NCAM2: variants seen among roughly 807,000 people sequenced by gnomAD.
The protein encoded by NCAM2 is N-CAM-2.
A neutral mutation model predicts 98.1 loss-of-function variants in NCAM2; 30 were observed. The observed-to-expected ratio is 0.31, with a 90% confidence interval of 0.23 to 0.41. NCAM2 has a LOEUF of 0.41. NCAM2 is among the 10% of genes least tolerant of loss of function. NCAM2 has a pLI of 1.00. For synonymous variants in NCAM2, 368 were observed against 342.4 expected (o/e 1.07, Z -0.83); for missense variants, 867 against 1,005.8 (o/e 0.86, Z 1.87).
intron 8 of NCAM2, among the ~76,000 whole-genome samples, chr21:21,349,819 T>C (rs1361954386): frequency 2.0e-5 from 3 of 152,114 alleles, no homozygotes; most frequent in Non-Finnish European, 2.9e-5. Context: ...TAAGCCAGCA[T>C]AGAAAGATAA....
intron 1 of NCAM2, among the ~76,000 whole-genome samples, chr21:21,172,132 A>G (rs916163885): frequency 2.6e-5 from 4 of 151,026 alleles, no homozygotes; most frequent in African/African-American, 9.8e-5. Context: ...GTAGTCCCCT[A>G]TTTAATGGGC....
At chr21:21,493,919 C>T (rs1987026172) in intron 15 of NCAM2, among the ~76,000 whole-genome samples, 1 of 151,858 alleles carries the variant, frequency 6.6e-6, no homozygotes, top group Admixed American at 6.6e-5. Flanking sequence ...CAGTCAGATG[C>T]ATTATATAAT....
At chr21:21,053,426 G>A (rs984009800) in intron 1 of NCAM2, among the ~76,000 whole-genome samples, 17 of 151,768 alleles carry the variant, frequency 1.1e-4, no homozygotes, top group African/African-American at 3.9e-4. Flanking sequence ...TGAAGCATGT[G>A]GACCAGTTAC....
At chr21:21,327,902 T>G (rs2074562165) in intron 6 of NCAM2, among the ~76,000 whole-genome samples, 1 of 152,204 alleles carries the variant, frequency 6.6e-6, no homozygotes. Flanking sequence ...CTTAGTGACA[T>G]GTAAATCCAA....
At chr21:21,461,552 A>T (rs896053975) in intron 12 of NCAM2, among the ~76,000 whole-genome samples, 1 of 151,958 alleles carries the variant, frequency 6.6e-6, no homozygotes, top group Non-Finnish European at 1.5e-5. Flanking sequence ...CAAATGACAC[A>T]TCATTATTAG....
chr21:21,500,847 A>G (rs1485930980), intron 15 of NCAM2, among the ~76,000 whole-genome samples: 2 of 152,028 alleles, frequency 1.3e-5, no homozygotes, highest in Admixed American at 6.6e-5. Context: ...CAACTCCATA[A>G]TGTTGAAGAG....
intron 16 of NCAM2, among the ~76,000 whole-genome samples, chr21:21,529,094 A>G (rs1989486457): frequency 6.6e-6 from 1 of 152,116 alleles, no homozygotes; most frequent in South Asian, 2.1e-4. Context: ...ACACAGATGA[A>G]TGAGGTCTTA....
intron 14 of NCAM2, among the ~76,000 whole-genome samples, chr21:21,474,896 G>T (rs1368282114): frequency 6.6e-6 from 1 of 151,698 alleles, no homozygotes; most frequent in Non-Finnish European, 1.5e-5. Flanking sequence ...GTGTTTGTGT[G>T]TGTATATATA....
At chr21:21,244,734 G>A (rs1385403553) in intron 1 of NCAM2, among the ~76,000 whole-genome samples, 2 of 149,772 alleles carry the variant, frequency 1.3e-5, no homozygotes, top group East Asian at 4.1e-4. Flanking sequence ...GTAATCCCAG[G>A]TACTCAGGAG....
chr21:21,525,568 G>A (rs184645561), intron 16 of NCAM2, among the ~76,000 whole-genome samples: 154 of 152,128 alleles, frequency 1.0e-3, no homozygotes, highest in African/African-American at 3.6e-3. Context: ...CAAGTTCACT[G>A]GTGAATTCTA....
intron 10 of NCAM2, among the ~76,000 whole-genome samples, chr21:21,411,031 T>TAC (rs1555889814): frequency 3.9e-5 from 3 of 76,342 alleles, no homozygotes; most frequent in East Asian, 4.7e-4. Flanking sequence ...TATATATATA[T>TAC]ACACACATAT....
Position 21,542,791 on chromosome 21 carries a change from C to G in NCAM2, c.*4834C>G, listed in dbSNP as rs9981061. ...AAAATTATGGCCGATTACACTGATGCGAAGGAGAAAACAGTGTAACACAGA... is the reference window on the plus strand; with the variant it reads ...AAAATTATGGCCGATTACACTGATGGGAAGGAGAAAACAGTGTAACACAGA... On this transcript the variant is annotated 3_prime_UTR_variant, in exon 18 of 18. Coordinates refer to ENST00000400546, the MANE Select transcript of NCAM2 (RefSeq NM_004540.5). The G allele has an allele frequency of 1.3e-5, 2 of 151,642 alleles. No individual in the cohort carries two copies. Among genetic ancestry groups the G allele is most frequent in the Admixed American group, 6.6e-5 (1 of 15,152 alleles). 9.4% of individuals were successfully genotyped at this position (151,642 alleles called of 1,614,324 possible). A position where few individuals can be genotyped will look rare whatever the true frequency, so the allele number is the denominator to read the frequency against.
intron 11 of NCAM2, among the ~76,000 whole-genome samples, chr21:21,420,872 G>C (rs1465310913): frequency 2.0e-5 from 3 of 151,746 alleles, no homozygotes; most frequent in African/African-American, 7.3e-5. Context: ...AAAATGAAGT[G>C]TGCTAATTCT....
At chr21:21,437,833 G>T (rs77442392) in intron 12 of NCAM2, among the ~76,000 whole-genome samples, 2,191 of 151,992 alleles carry the variant, frequency 0.014, 37 homozygotes, top group East Asian at 0.091. Flanking sequence ...TAATTTCTAG[G>T]TGTACTTAGA....
intron 1 of NCAM2, among the ~76,000 whole-genome samples, chr21:21,028,572 G>A (rs2064601795): frequency 6.6e-6 from 1 of 152,158 alleles, no homozygotes; most frequent in Non-Finnish European, 1.5e-5. Context: ...TTGGTGTGCA[G>A]CCTGCATATA....
chr21:21,473,443 C>G (rs1006114178), intron 14 of NCAM2, among the ~76,000 whole-genome samples: 4 of 147,520 alleles, frequency 2.7e-5, no homozygotes, highest in Non-Finnish European at 6.0e-5. Context: ...TTGAGAGTAG[C>G]AAATGGAGTT....
intron 5 of NCAM2, among the ~76,000 whole-genome samples, chr21:21,315,105 A>C (rs1158006788): frequency 1.3e-5 from 2 of 152,126 alleles, no homozygotes; most frequent in Non-Finnish European, 2.9e-5. Flanking sequence ...GTTTGTTTAG[A>C]TCAGACAACA....
intron 16 of NCAM2, among the ~76,000 whole-genome samples, chr21:21,530,392 A>C (rs1274915067): frequency 6.8e-6 from 1 of 148,002 alleles, no homozygotes; most frequent in Non-Finnish European, 1.5e-5. Flanking sequence ...AATTTTATTT[A>C]AACACTCAAA....
intron 16 of NCAM2, among the ~76,000 whole-genome samples, chr21:21,510,357 C>T (rs1026350782): frequency 3.9e-5 from 6 of 152,200 alleles, no homozygotes; most frequent in African/African-American, 2.4e-5. Context: ...ATTAACCTCC[C>T]TCACCCAGGC....
Sources: allele counts gnomAD v4.1 joint callset (sites outside exome capture counted in the v4.1 genomes callset), GRCh38; gene constraint gnomAD v4.1.1; transcripts MANE v1.5; gene names NCBI Gene and HGNC (gene_info 2026-07-23, HGNC 2026-07-21).